REPS1: variants seen among roughly 807,000 people sequenced by gnomAD.
The protein encoded by REPS1 is RALBP1 associated Eps domain containing 1.
A neutral mutation model predicts 100.9 loss-of-function variants in REPS1; 39 were observed. The ratio of observed to expected loss-of-function variants is 0.39; its 90% CI spans 0.30 to 0.50. The LOEUF is 0.50. Ranked by LOEUF, REPS1 falls within the 20% of genes least tolerant of loss-of-function variation. The probability of loss-of-function intolerance (pLI) is 0.86; values close to 1 mark genes in which losing one functional copy is unlikely to be tolerated. For missense variants in REPS1, 821 were observed against 968.5 expected (o/e 0.85, Z 2.02); for synonymous variants, 324 against 340.3 (o/e 0.95, Z 0.53).
At chr6:138,954,529 A>C (rs547479712) in intron 1 of REPS1, among the ~76,000 whole-genome samples, 41 of 150,920 alleles carry the variant, frequency 2.7e-4, no homozygotes, top group Non-Finnish European at 4.1e-4. Context: ...AGAATCCCCC[A>C]AAAAATTTCA....
chr6:138,979,858 C>T (rs551329308), intron 1 of REPS1, among the ~76,000 whole-genome samples: 1 of 152,232 alleles, frequency 6.6e-6, no homozygotes, highest in East Asian at 1.9e-4. Context: ...ATTTCATTAC[C>T]TTAAGTATCA....
intron 15 of REPS1, 51 bp from the exon 16 acceptor site, chr6:138,913,001 G>A: frequency 6.9e-7 from 1 of 1,450,630 alleles, no homozygotes; most frequent in Non-Finnish European, 9.4e-7. Context: ...GCCTATCAGT[G>A]TCACAGAGTC....
chr6:138,920,787 G>A (rs550695033), intron 11 of REPS1, among the ~76,000 whole-genome samples: 1 of 152,138 alleles, frequency 6.6e-6, no homozygotes, highest in South Asian at 2.1e-4. Context: ...AAATTTACAA[G>A]GATGAACATA....
intron 10 of REPS1, among the ~76,000 whole-genome samples, chr6:138,926,195 C>T (rs1355700447): frequency 4.6e-5 from 7 of 152,076 alleles, no homozygotes; most frequent in Non-Finnish European, 1.0e-4. Context: ...ATTTTAAAAA[C>T]GTAGTTTTCT....
At position 138,947,746 on chromosome 6, in the gene REPS1, T is replaced by A. The variant is rs769358333; in HGVS notation, c.277+44A>T. On this transcript the variant is annotated intron_variant, in intron 2 of 19. Transcript: ENST00000450536. The stretch of plus-strand genomic sequence containing the variant: ...TCTATTGACTTGACTTCATTTGTAA[T>A]AGAAGCCTATTTTCTTTCGGTTACT... The A allele has an allele frequency of 2.8e-6, 4 of 1,427,238 alleles. No individual in the cohort carries two copies. In the Admixed American group the frequency reaches 1.1e-4, roughly 38 times the overall value. The allele number at this position is 1,427,238 out of a possible 1,614,324, so 88.4% of individuals were successfully genotyped here. A position where few individuals can be genotyped will look rare whatever the true frequency, so the allele number is the denominator to read the frequency against.
chr6:138,984,065 T>C (rs1440419554), intron 1 of REPS1, among the ~76,000 whole-genome samples: 1 of 148,060 alleles, frequency 6.8e-6, no homozygotes, highest in Non-Finnish European at 1.5e-5. Context: ...ATCTCTACCA[T>C]CTCTCTCTCT....
intron 1 of REPS1, among the ~76,000 whole-genome samples, chr6:138,981,621 A>G (rs1422746997): frequency 3.9e-5 from 6 of 152,174 alleles, no homozygotes; most frequent in Non-Finnish European, 7.3e-5. Flanking sequence ...GCAACTAACC[A>G]CAAGACTTTG....
intron 13 of REPS1, 91 bp from the exon 14 acceptor site, chr6:138,916,067 A>T: frequency 1.1e-6 from 1 of 901,514 alleles, no homozygotes; most frequent in Non-Finnish European, 1.9e-6. Context: ...GCAGCAAAGG[A>T]TCTTATTAGC....
At chr6:138,912,435 A>C (rs569886271) in intron 16 of REPS1, among the ~76,000 whole-genome samples, 16 of 152,324 alleles carry the variant, frequency 1.1e-4, no homozygotes, top group African/African-American at 3.6e-4. Context: ...AGCTATGGTA[A>C]CCATGGCCTC....
At chr6:138,919,221 AG>A (rs1422606097) in intron 12 of REPS1, among the ~76,000 whole-genome samples, 1 of 152,120 alleles carries the variant, frequency 6.6e-6, no homozygotes, top group Admixed American at 6.5e-5. Flanking sequence ...GCAACTCCTG[AG>A]GTCTTTTCCT....
intron 7 of REPS1, 130 bp from the exon 8 acceptor site, chr6:138,941,619 A>ATCTTTCTGTGTATG: frequency 4.7e-6 from 4 of 853,680 alleles, no homozygotes; most frequent in Non-Finnish European, 7.3e-6. Flanking sequence ...TCCCATACAC[A>ATCTTTCTGTGTATG]GAAAGATGTG....
At position 138,915,864 on chromosome 6, in the gene REPS1, T is replaced by A; in HGVS notation, c.1714A>T (p.Thr572Ser). The A allele has an allele frequency of 6.2e-7, 1 of 1,601,916 alleles. No individual in the cohort carries two copies. The highest frequency in any genetic ancestry group is 1.1e-5 in the South Asian group (1 of 90,834). The change falls in exon 14 of 20, where the codon ACC becomes TCC. Residue 572 changes from threonine (T) to serine (S), a missense_variant. Physicochemically the swap from Thr to Ser is moderately conservative, Grantham distance 58. Around this residue, in one of 3 missense-constraint regions of REPS1, gnomAD observed 757 missense variants for 866.4 expected, o/e 0.87. Coordinates refer to ENST00000450536, the MANE Select transcript of REPS1 (RefSeq NM_001286611.2). Reference sequence around the variant, plus strand: ...ATGGTTCTCTAGCCCCTACCTGTGGTGACTGTAAAGGTCCGATTCATATCT... The same window carrying A: ...ATGGTTCTCTAGCCCCTACCTGTGGAGACTGTAAAGGTCCGATTCATATCT... ...SLDMNRTFTV[T>S]TGQQQAGVVA...
chr6:138,972,374 G>A (rs1784387547), intron 1 of REPS1, among the ~76,000 whole-genome samples: 1 of 152,182 alleles, frequency 6.6e-6, no homozygotes, highest in South Asian at 2.1e-4. Flanking sequence ...TCCCTATTAG[G>A]AGAATAATCA....
intron 1 of REPS1, among the ~76,000 whole-genome samples, chr6:138,959,461 TATGA>T (rs1211029203): frequency 1.9e-5 from 2 of 106,874 alleles, no homozygotes; most frequent in South Asian, 7.0e-4. Context: ...AATGAAATTT[TATGA>T]ATGAGTTTAA....
At chr6:138,912,623 G>A in intron 16 of REPS1, 142 bp downstream of exon 16, 1 of 765,032 alleles carries the variant, frequency 1.3e-6, no homozygotes, top group Non-Finnish European at 2.2e-6. Flanking sequence ...AGCAGATATT[G>A]GAGGCCAATA....
At chr6:138,929,924 T>C (rs1781383482) in intron 9 of REPS1, 53 bp downstream of exon 9, 2 of 1,594,102 alleles carry the variant, frequency 1.3e-6, no homozygotes, top group African/African-American at 2.7e-5. Context: ...CTTTGGAACA[T>C]CTTACCTTAA....
At chr6:138,978,551 C>G (rs533731168) in intron 1 of REPS1, among the ~76,000 whole-genome samples, 1 of 152,006 alleles carries the variant, frequency 6.6e-6, no homozygotes, top group South Asian at 2.1e-4. Flanking sequence ...CTCAAGTGAT[C>G]TGCCCGCCTC....
chr6:138,957,680 A>G (rs1232792221), intron 1 of REPS1, among the ~76,000 whole-genome samples: 2 of 152,224 alleles, frequency 1.3e-5, no homozygotes, highest in Admixed American at 6.5e-5. Context: ...AGAAGTCTCC[A>G]GGAGGAAGCT....
intron 8 of REPS1, among the ~76,000 whole-genome samples, chr6:138,933,180 G>A (rs11966396): frequency 0.088 from 13,395 of 152,090 alleles, 1,231 homozygotes; most frequent in African/African-American, 0.23. Flanking sequence ...GAATAATTAC[G>A]TTATCTGAAA....
Sources: gnomAD v4.1 joint callset for allele counts (sites outside exome capture counted in the v4.1 genomes callset) on GRCh38, gnomAD v4.1.1 for gene constraint, gnomAD v4.1.1 regional missense constraint, MANE v1.5 for transcripts, NCBI Gene and HGNC (gene_info 2026-07-23, HGNC 2026-07-21) for gene names.